SLC24A2: variants seen among roughly 807,000 people sequenced by gnomAD.
SLC24A2 encodes solute carrier family 24 member 2.
Under a neutral mutation model 62.0 loss-of-function variants are expected in SLC24A2, and 36 were observed. The observed-to-expected ratio is 0.58, with a 90% CI of 0.44 to 0.77. SLC24A2 has a LOEUF of 0.77. Among genes scored for constraint, SLC24A2 ranks in the 30% least tolerant of loss-of-function variants. The pLI, the probability that SLC24A2 is intolerant of heterozygous loss-of-function variation, is 0.00. For missense variants in SLC24A2, 846 were observed against 817.9 expected, an observed-to-expected ratio of 1.03 and a Z score of -0.42; for synonymous variants, 358 against 294.0, an observed-to-expected ratio of 1.22 and a Z score of -2.23.
chr9:19,525,289 T>C (rs1169726703), intron 9 of SLC24A2, among the ~76,000 whole-genome samples: 1 of 152,026 alleles, frequency 6.6e-6, no homozygotes, highest in Non-Finnish European at 1.5e-5. Context: ...GCTAGTAACA[T>C]GTATTCTTTT....
the SLC24A2 span, among the ~76,000 whole-genome samples, chr9:20,248,623 C>G: frequency 6.6e-6 from 1 of 152,156 alleles, no homozygotes; most frequent in Non-Finnish European, 1.5e-5. Flanking sequence ...AAAGGCTCCA[C>G]CTCTGAATAC....
chr9:19,997,747 TCTTA>T, the SLC24A2 span, among the ~76,000 whole-genome samples: 1 of 152,236 alleles, frequency 6.6e-6, no homozygotes, highest in South Asian at 2.1e-4. Context: ...TCTGTTGAGA[TCTTA>T]CTTGATGACA....
Position 19,680,851 on chromosome 9 carries a change from T to TTGTC in SLC24A2, c.931-58553_931-58552insGACA, listed in dbSNP as rs961039680. On this transcript the variant is annotated intron_variant, in intron 2 of 10. Coordinates refer to ENST00000341998, the MANE Select transcript of SLC24A2 (RefSeq NM_020344.4). Reference sequence around the variant, plus strand: ...TTTAAACTCAAAATATATACCAGAGTTGTGTGTGTGTGTGTGTGTGTGTGT... The same window carrying TTGTC: ...TTTAAACTCAAAATATATACCAGAGTTGTCTGTGTGTGTGTGTGTGTGTGTGTGT... 1.0e-3 allele frequency among the ~76,000 whole-genome samples: 152 copies of TTGTC among 147,074 alleles called. 1 individual carries two copies. Among genetic ancestry groups the TTGTC allele is most frequent in the African/African-American group, 3.6e-3 (142 of 39,806 alleles).
At chr9:20,098,841 T>C in the SLC24A2 span, among the ~76,000 whole-genome samples, 1 of 152,238 alleles carries the variant, frequency 6.6e-6, no homozygotes. Context: ...TCTTTACTGG[T>C]ACAATGAGTA....
chr9:20,225,574 A>ATTATATAT, the SLC24A2 span, among the ~76,000 whole-genome samples: 2 of 90,848 alleles, frequency 2.2e-5, no homozygotes, highest in African/African-American at 7.3e-5. Context: ...ATATATATAT[A>ATTATATAT]ATTTCATTTA....
chr9:20,135,526 C>T, the SLC24A2 span, among the ~76,000 whole-genome samples: 3 of 152,032 alleles, frequency 2.0e-5, no homozygotes, highest in Admixed American at 1.3e-4. Flanking sequence ...ATGAAGATAA[C>T]GATTCTAGCA....
chr9:19,570,137 C>A (rs1444188843), intron 7 of SLC24A2, among the ~76,000 whole-genome samples: 1 of 152,192 alleles, frequency 6.6e-6, no homozygotes, highest in Non-Finnish European at 1.5e-5. Flanking sequence ...GGTAAACAAT[C>A]AAAATTTTCT....
intron 2 of SLC24A2, among the ~76,000 whole-genome samples, chr9:19,709,318 T>C (rs1480155969): frequency 2.0e-5 from 3 of 152,176 alleles, no homozygotes; most frequent in Non-Finnish European, 4.4e-5. Context: ...GACTGTAAAC[T>C]AGTTCAACTA....
intron 1 of SLC24A2, chr9:19,788,387 C>A: frequency 2.0e-6 from 1 of 507,102 alleles, no homozygotes; most frequent in Non-Finnish European, 2.5e-6. Flanking sequence ...CCTCGCTCCC[C>A]CTGAAAACCC....
At chr9:20,204,928 G>C in the SLC24A2 span, among the ~76,000 whole-genome samples, 2 of 151,732 alleles carry the variant, frequency 1.3e-5, no homozygotes, top group Non-Finnish European at 2.9e-5. Context: ...TCTATTTTTA[G>C]TACAGACGGG....
chr9:19,876,764 C>T, the SLC24A2 span, among the ~76,000 whole-genome samples: 1 of 152,092 alleles, frequency 6.6e-6, no homozygotes, highest in Middle Eastern at 3.2e-3. Context: ...CACCTTGAAA[C>T]ACAAAGTGAG....
chr9:20,099,030 T>A, the SLC24A2 span, among the ~76,000 whole-genome samples: 2 of 152,184 alleles, frequency 1.3e-5, no homozygotes, highest in African/African-American at 2.4e-5. Context: ...GGTAATGTAT[T>A]TGCTGCCTCC....
At chr9:20,016,237 C>G in the SLC24A2 span, among the ~76,000 whole-genome samples, 3 of 152,088 alleles carry the variant, frequency 2.0e-5, no homozygotes, top group South Asian at 6.2e-4. Context: ...TGTATTATTA[C>G]AGAACTCAGA....
the SLC24A2 span, chr9:19,967,630 A>G: frequency 6.6e-6 from 1 of 152,306 alleles, no homozygotes; most frequent in South Asian, 2.1e-4. Flanking sequence ...AAGTGAGCCA[A>G]TTGGAAAAGG....
chr9:20,043,059 T>C, the SLC24A2 span, among the ~76,000 whole-genome samples: 1 of 152,148 alleles, frequency 6.6e-6, no homozygotes, highest in East Asian at 1.9e-4. Context: ...CCTGTAGGTG[T>C]TCAGGTGAAA....
At chr9:19,797,784 T>A in the SLC24A2 span, among the ~76,000 whole-genome samples, 2 of 152,222 alleles carry the variant, frequency 1.3e-5, no homozygotes, top group Non-Finnish European at 2.9e-5. Context: ...GCTTAGCTTC[T>A]ACAGAGAATC....
the SLC24A2 span, among the ~76,000 whole-genome samples, chr9:20,237,902 T>C: frequency 6.6e-6 from 1 of 152,154 alleles, no homozygotes; most frequent in Admixed American, 6.5e-5. Flanking sequence ...GTTTGCCAAG[T>C]TAGAGTCAGG....
the SLC24A2 span, among the ~76,000 whole-genome samples, chr9:20,062,517 A>G: frequency 7.8e-6 from 1 of 128,120 alleles, no homozygotes; most frequent in African/African-American, 3.2e-5. Flanking sequence ...CTTAAACGTT[A>G]GACCTAAAAC....
At chr9:19,985,380 T>C in the SLC24A2 span, among the ~76,000 whole-genome samples, 1 of 152,122 alleles carries the variant, frequency 6.6e-6, no homozygotes, top group African/African-American at 2.4e-5. Context: ...TTGTATAAAC[T>C]TACAATGGAA....
Sources: gnomAD v4.1 joint callset for allele counts (sites outside exome capture counted in the v4.1 genomes callset) on GRCh38, gnomAD v4.1.1 for gene constraint, MANE v1.5 for transcripts, NCBI Gene and HGNC (gene_info 2026-07-23, HGNC 2026-07-21) for gene names.